The following SH3GL2 variants were observed in gnomAD, a reference collection of about 807,000 sequenced individuals.
The protein encoded by SH3GL2 is endophilin-A1.
A neutral mutation model predicts 46.0 loss-of-function variants in SH3GL2; 24 were observed. That is an observed-to-expected ratio of 0.52 (90% CI 0.38 to 0.73). The LOEUF is 0.73. Among genes scored for constraint, SH3GL2 ranks in the 30% least tolerant of loss-of-function variants. The pLI is 0.00. For missense variants in SH3GL2, 413 were observed against 424.2 expected, an observed-to-expected ratio of 0.97 and a Z score of 0.23; for synonymous variants, 196 against 147.1, an observed-to-expected ratio of 1.33 and a Z score of -2.40.
At chr9:17,639,492 C>A (rs1819621790) in intron 1 of SH3GL2, among the ~76,000 whole-genome samples, 2 of 152,076 alleles carry the variant, frequency 1.3e-5, no homozygotes, top group Non-Finnish European at 2.9e-5. Context: ...AACTGTATAC[C>A]CACTGGAATG....
At chr9:17,579,322 C>T in intron 1 of SH3GL2, 35 bp downstream of exon 1, 1 of 1,478,284 alleles carries the variant, frequency 6.8e-7, no homozygotes, top group Non-Finnish European at 9.1e-7. Context: ...CGGGGCAGTC[C>T]GGGGCGAAGC....
chr9:17,746,114 G>A (rs910639878), intron 1 of SH3GL2, among the ~76,000 whole-genome samples: 4 of 151,962 alleles, frequency 2.6e-5, no homozygotes, highest in Admixed American at 6.6e-5. Flanking sequence ...TCTCGCTGTC[G>A]CCCAGGCTGG....
At chr9:17,789,275 A>G (rs964498365) in intron 5 of SH3GL2, 117 bp from the exon 6 acceptor site, 4 of 780,210 alleles carry the variant, frequency 5.1e-6, no homozygotes, top group Admixed American at 2.4e-5. Flanking sequence ...GTGGCGTTGT[A>G]TTTTAAAACT....
chr9:17,708,683 G>C (rs951131046), intron 1 of SH3GL2, among the ~76,000 whole-genome samples: 8 of 151,906 alleles, frequency 5.3e-5, no homozygotes, highest in Non-Finnish European at 8.8e-5. Flanking sequence ...AATGCCTCTT[G>C]TTGTGCTTCA....
At chr9:17,725,406 A>G (rs1029457491) in intron 1 of SH3GL2, among the ~76,000 whole-genome samples, 1 of 152,070 alleles carries the variant, frequency 6.6e-6, no homozygotes, top group South Asian at 2.1e-4. Context: ...TACTGTTATC[A>G]TGAAGCTACC....
chr9:17,736,628 A>G (rs1314977867), intron 1 of SH3GL2, among the ~76,000 whole-genome samples: 1 of 152,136 alleles, frequency 6.6e-6, no homozygotes, highest in African/African-American at 2.4e-5. Context: ...ATAAAATGCT[A>G]TATGGAGAAC....
intron 1 of SH3GL2, among the ~76,000 whole-genome samples, chr9:17,689,789 C>T (rs1821024723): frequency 6.6e-6 from 1 of 152,100 alleles, no homozygotes; most frequent in African/African-American, 2.4e-5. Context: ...ATAATAGTAT[C>T]TCCTGCAGTC....
chr9:17,792,197 A>T (rs1462929629), intron 7 of SH3GL2, among the ~76,000 whole-genome samples: 1 of 152,114 alleles, frequency 6.6e-6, no homozygotes, highest in African/African-American at 2.4e-5. Flanking sequence ...CCTCAGGCTG[A>T]TCTCATTTCA....
At chr9:17,696,426 CA>C (rs1821203174) in intron 1 of SH3GL2, among the ~76,000 whole-genome samples, 2 of 152,186 alleles carry the variant, frequency 1.3e-5, no homozygotes, top group Admixed American at 6.5e-5. Flanking sequence ...AGTCCATTCT[CA>C]CACTGCTATG....
At chr9:17,794,034 G>A (rs1337151123) in intron 8 of SH3GL2, among the ~76,000 whole-genome samples, 1 of 152,208 alleles carries the variant, frequency 6.6e-6, no homozygotes, top group Non-Finnish European at 1.5e-5. Flanking sequence ...CTCGACACTT[G>A]CTGGGTTTTC....
At chr9:17,594,857 G>C (rs1330310321) in intron 1 of SH3GL2, among the ~76,000 whole-genome samples, 1 of 152,098 alleles carries the variant, frequency 6.6e-6, no homozygotes, top group Non-Finnish European at 1.5e-5. Context: ...TTCTGTTTCT[G>C]TTGATCCTTA....
chr9:17,773,418 T>C (rs1310930819), intron 3 of SH3GL2, among the ~76,000 whole-genome samples: 2 of 152,214 alleles, frequency 1.3e-5, no homozygotes, highest in Non-Finnish European at 2.9e-5. Flanking sequence ...GCCTGTGTTT[T>C]CTTCTAAGAG....
chr9:17,623,043 TC>T (rs373138480), intron 1 of SH3GL2, among the ~76,000 whole-genome samples: 707 of 61,096 alleles, frequency 0.012, 2 homozygotes, highest in East Asian at 0.031. Flanking sequence ...TTCCTTTCCT[TC>T]CCCTTCCCCT....
At position 17,787,334 on chromosome 9, in the gene SH3GL2, A is replaced by G. The variant is rs370675439; in HGVS notation, c.332-46A>G. Reference sequence around the variant, plus strand: ...TGAAGGGCCCTGTTATTGCGAGTGCATTTCATCTTTATTCTGTAACATGAA... The same window carrying G: ...TGAAGGGCCCTGTTATTGCGAGTGCGTTTCATCTTTATTCTGTAACATGAA... On this transcript the variant is annotated intron_variant, in intron 4 of 8. Transcript: ENST00000380607. 20 of 1,566,610 alleles carry G rather than the reference A, an allele frequency of 1.3e-5. No homozygotes were observed. In the African/African-American group the frequency reaches 2.5e-4, roughly 19 times the overall value.
intron 1 of SH3GL2, among the ~76,000 whole-genome samples, chr9:17,740,611 G>T (rs1822499350): frequency 6.6e-6 from 1 of 152,092 alleles, no homozygotes; most frequent in Non-Finnish European, 1.5e-5. Context: ...GAATACAGTA[G>T]TGTCCTACAG....
At chr9:17,673,327 T>TC (rs1019772062) in intron 1 of SH3GL2, among the ~76,000 whole-genome samples, 1 of 151,160 alleles carries the variant, frequency 6.6e-6, no homozygotes, top group African/African-American at 2.4e-5. Flanking sequence ...AATTTTTTTT[T>TC]TTTTTTTATA....
In SH3GL2 at chr9:17,786,732, C is replaced by T. The variant is rs186438646; in HGVS notation, c.331+208C>T. ...TTACAAGTTTTCTTCCCACCCCCCC[C>T]ACTATAAGACCTCAGTCTTTACAAC... On this transcript the variant is annotated intron_variant, in intron 4 of 8. Transcript: ENST00000380607. 7.5e-4 allele frequency among the ~76,000 whole-genome samples: 114 copies of T among 152,256 alleles called. No homozygotes were observed. In the East Asian group the frequency reaches 0.013, roughly 17 times the overall value.
chr9:17,639,408 TAAAAG>T (rs1819619517), intron 1 of SH3GL2, among the ~76,000 whole-genome samples: 1 of 152,158 alleles, frequency 6.6e-6, no homozygotes, highest in African/African-American at 2.4e-5. Context: ...AGACCTGTCT[TAAAAG>T]AAGATGCATA....
At position 17,795,885 on chromosome 9, in the gene SH3GL2, C is replaced by G; in HGVS notation, c.*142C>G. On this transcript the variant is annotated 3_prime_UTR_variant, in exon 9 of 9. Coordinates refer to ENST00000380607, the MANE Select transcript of SH3GL2 (RefSeq NM_003026.5). Reference sequence around the variant, plus strand: ...AGCCCCACCAAGTGACTTTGGTTGACTTGTGGGCTCCCACAGGAGTCATGG... The same window carrying G: ...AGCCCCACCAAGTGACTTTGGTTGAGTTGTGGGCTCCCACAGGAGTCATGG... The G allele has an allele frequency of 1.5e-6, 1 of 655,576 alleles. No homozygotes were observed. Among genetic ancestry groups the G allele is most frequent in the Non-Finnish European group, 2.6e-6 (1 of 377,418 alleles). 40.6% of individuals were successfully genotyped at this position (655,576 alleles called of 1,614,324 possible). A position where few individuals can be genotyped will look rare whatever the true frequency, so the allele number is the denominator to read the frequency against.
Sources: gnomAD v4.1 joint callset for allele counts (sites outside exome capture counted in the v4.1 genomes callset) on GRCh38, gnomAD v4.1.1 for gene constraint, MANE v1.5 for transcripts, NCBI Gene and HGNC (gene_info 2026-07-23, HGNC 2026-07-21) for gene names.